Variants in METTL15 observed in about 807,000 individuals in gnomAD.
The protein encoded by METTL15 is 12S rRNA N(4)-cytidine methyltransferase METTL15.
In METTL15, 34 loss-of-function variants were observed where a neutral mutation model predicts 38.3. The observed-to-expected ratio is 0.89, with a 90% CI of 0.68 to 1.18. The LOEUF (loss-of-function observed/expected upper bound fraction) is 1.18. Among genes scored for constraint, METTL15 ranks in the 50% most tolerant of loss-of-function variants. The probability of loss-of-function intolerance (pLI) is 0.00; values close to 1 mark genes in which losing one functional copy is unlikely to be tolerated. For missense variants in METTL15, 438 were observed against 498.4 expected, an observed-to-expected ratio of 0.88 and a Z score of 1.15; for synonymous variants, 162 against 170.9, an observed-to-expected ratio of 0.95 and a Z score of 0.41.
chr11:28,297,005 GCACGCATGCACATGTGTGTGTGCATT>G, intron 6 of METTL15, 74 bp downstream of exon 6: 8 of 1,446,874 alleles, frequency 5.5e-6, no homozygotes, highest in Middle Eastern at 1.8e-4. Flanking sequence ...TTGTGTGCAT[GCACGCATGCACATGTGTGTGTGCATT>G]AATCCCCCAG....
At chr11:28,323,348 G>T (rs1266188305) in intron 6 of METTL15, among the ~76,000 whole-genome samples, 2 of 152,110 alleles carry the variant, frequency 1.3e-5, no homozygotes, top group Admixed American at 1.3e-4. Context: ...AGTGGAGGAA[G>T]ACAGATGGTA....
intron 4 of METTL15, among the ~76,000 whole-genome samples, chr11:28,271,123 T>C (rs549119367): frequency 6.6e-6 from 1 of 152,264 alleles, no homozygotes; most frequent in African/African-American, 2.4e-5. Flanking sequence ...CATTTTGTCA[T>C]TATTAAACAG....
chr11:28,430,336 C>T (rs1274618132), intron 6 of METTL15, among the ~76,000 whole-genome samples: 2 of 80,462 alleles, frequency 2.5e-5, no homozygotes, highest in African/African-American at 8.5e-5. Context: ...AGGGGGTCAG[C>T]CCCCCGCCCG....
intron 4 of METTL15, among the ~76,000 whole-genome samples, chr11:28,230,251 T>G (rs1185782831): frequency 2.0e-5 from 3 of 151,952 alleles, no homozygotes; most frequent in Non-Finnish European, 4.4e-5. Flanking sequence ...GACCTATATA[T>G]TATAATTAAC....
At chr11:28,211,236 C>G in intron 4 of METTL15, 38 bp downstream of exon 4, 2 of 1,577,880 alleles carry the variant, frequency 1.3e-6, no homozygotes, top group East Asian at 2.3e-5. Flanking sequence ...GATTTTGGTT[C>G]TTAGTTTTAC....
intron 4 of METTL15, among the ~76,000 whole-genome samples, chr11:28,214,191 C>T (rs1055776366): frequency 1.3e-5 from 2 of 151,882 alleles, no homozygotes; most frequent in African/African-American, 2.4e-5. Flanking sequence ...TACAGGTATG[C>T]ACCTGTCTAA....
At chr11:28,161,357 TGA>T (rs761449422) in intron 3 of METTL15, among the ~76,000 whole-genome samples, 3 of 151,990 alleles carry the variant, frequency 2.0e-5, no homozygotes, top group Non-Finnish European at 4.4e-5. Flanking sequence ...TGGCCTCAAG[TGA>T]TCCACCTGCC....
chr11:28,378,958 A>G (rs374467497), intron 5 of METTL15, among the ~76,000 whole-genome samples: 1 of 151,922 alleles, frequency 6.6e-6, no homozygotes, highest in African/African-American at 2.4e-5. Flanking sequence ...GGTAAGTTGT[A>G]TATGTCCAGG....
intron 4 of METTL15, among the ~76,000 whole-genome samples, chr11:28,235,128 T>G (rs1294423826): frequency 6.6e-6 from 1 of 152,092 alleles, no homozygotes; most frequent in Non-Finnish European, 1.5e-5. Context: ...ATATGAGGCG[T>G]TATTTCTGAG....
chr11:28,377,612 C>G (rs532879871), intron 5 of METTL15, among the ~76,000 whole-genome samples: 2 of 151,910 alleles, frequency 1.3e-5, no homozygotes, highest in Non-Finnish European at 2.9e-5. Flanking sequence ...GAATGTCCTC[C>G]CGTAGCTCAG....
Position 28,191,634 on chromosome 11 carries a change from A to T in METTL15, c.271-19428A>T, listed in dbSNP as rs138743830. 2.6e-5 allele frequency among the ~76,000 whole-genome samples: 4 copies of T among 151,762 alleles called. No homozygotes were observed. The East Asian group carries it at 7.7e-4, about 29-fold the overall frequency. The stretch of plus-strand genomic sequence containing the variant: ...ATCTAGTGTCTAATTATGAACTCCA[A>T]GTATTATAAGCAAGTGGTGATATAT... On this transcript the variant is annotated intron_variant, in intron 3 of 6. Transcript: ENST00000407364.
intron 6 of METTL15, among the ~76,000 whole-genome samples, chr11:28,522,093 A>G (rs1851769565): frequency 6.6e-6 from 1 of 152,206 alleles, no homozygotes; most frequent in East Asian, 1.9e-4. Context: ...AGCACACACA[A>G]TAGGAAAGCT....
chr11:28,406,007 A>T (rs1186700025), intron 5 of METTL15, among the ~76,000 whole-genome samples: 2 of 152,158 alleles, frequency 1.3e-5, no homozygotes, highest in Non-Finnish European at 2.9e-5. Flanking sequence ...TTTAATTAAC[A>T]TAGACTTGTA....
intron 3 of METTL15, among the ~76,000 whole-genome samples, chr11:28,167,636 C>T (rs1850702349): frequency 6.6e-6 from 1 of 151,588 alleles, no homozygotes; most frequent in Non-Finnish European, 1.5e-5. Flanking sequence ...CATCTAGTCA[C>T]TGGGGCTTAC....
chr11:28,430,206 A>G lies in METTL15; in HGVS notation c.*424+5842A>G, dbSNP rs1034952199. On this transcript the variant is annotated intron_variant and NMD_transcript_variant, in intron 6 of 7. Transcript: ENST00000532947. ...TGAGGAGCGTCTCCACCCGGCAGCC[A>G]CCCCGTCCGGGAGGGAGGTGGGGGG... Among the ~76,000 whole-genome samples the G allele has an allele frequency of 4.2e-4, 61 of 145,716 alleles. No individual in the cohort carries two copies. The South Asian group carries it at 0.013, about 31-fold the overall frequency.
At chr11:28,371,464 G>T (rs141463267) in intron 5 of METTL15, among the ~76,000 whole-genome samples, 47 of 152,002 alleles carry the variant, frequency 3.1e-4, no homozygotes, top group African/African-American at 1.1e-3. Flanking sequence ...GTAACATGAT[G>T]GCTCCAGCTT....
chr11:28,181,158 G>A (rs1851268062), intron 3 of METTL15, among the ~76,000 whole-genome samples: 1 of 150,884 alleles, frequency 6.6e-6, no homozygotes, highest in South Asian at 2.1e-4. Context: ...CATATGGTCT[G>A]TATACATATG....
intron 6 of METTL15, among the ~76,000 whole-genome samples, chr11:28,507,176 G>A (rs551445781): frequency 1.4e-4 from 21 of 152,264 alleles, no homozygotes; most frequent in African/African-American, 5.1e-4. Context: ...GCTATGAAGA[G>A]CTACCTGAAG....
chr11:28,431,001 G>C (rs1358598877), intron 6 of METTL15, among the ~76,000 whole-genome samples: 1 of 69,324 alleles, frequency 1.4e-5, no homozygotes, highest in East Asian at 4.0e-4. Context: ...CCCTCTGCCC[G>C]GCCAGCCGCC....
Sources: allele counts gnomAD v4.1 joint callset (sites outside exome capture counted in the v4.1 genomes callset), GRCh38; gene constraint gnomAD v4.1.1; transcripts MANE v1.5; gene names NCBI Gene and HGNC (gene_info 2026-07-23, HGNC 2026-07-21).